Variants in MEMO1 observed in about 807,000 individuals in gnomAD.
MEMO1 encodes protein MEMO1.
In MEMO1, 6 loss-of-function variants were observed where a neutral mutation model predicts 45.2. The ratio of observed to expected loss-of-function variants is 0.13; its 90% CI spans 0.07 to 0.26. The LOEUF (loss-of-function observed/expected upper bound fraction) is 0.26. Among genes scored for constraint, MEMO1 ranks in the 10% least tolerant of loss-of-function variants. The probability of loss-of-function intolerance (pLI) is 1.00; values close to 1 mark genes in which losing one functional copy is unlikely to be tolerated. For synonymous variants in MEMO1, 78 were observed against 124.3 expected, an observed-to-expected ratio of 0.63 and a Z score of 2.48; for missense variants, 184 against 370.5, an observed-to-expected ratio of 0.50 and a Z score of 4.13.
chr2:31,971,512 G>T (rs764072617), intron 2 of MEMO1, among the ~76,000 whole-genome samples: 2 of 152,092 alleles, frequency 1.3e-5, no homozygotes, highest in Admixed American at 6.6e-5. Flanking sequence ...TTATAGGCAT[G>T]AGTCCCCGTG....
intron 2 of MEMO1, among the ~76,000 whole-genome samples, chr2:31,950,111 T>G (rs995271590): frequency 1.3e-5 from 2 of 152,196 alleles, no homozygotes; most frequent in Non-Finnish European, 2.9e-5. Context: ...CCGGGCGCAG[T>G]GGCTCACGCC....
intron 6 of MEMO1, among the ~76,000 whole-genome samples, chr2:31,912,998 G>A (rs1186682757): frequency 2.6e-5 from 4 of 151,996 alleles, no homozygotes; most frequent in African/African-American, 9.7e-5. Flanking sequence ...AAAACATGCA[G>A]CCAGGCATGG....
Position 31,952,706 on chromosome 2 carries a change from T to C in MEMO1, c.62-9323A>G, listed in dbSNP as rs188030032. Among the ~76,000 whole-genome samples the C allele has an allele frequency of 9.7e-3, 1,478 of 152,338 alleles. 25 individuals are homozygous for C. The highest frequency in any genetic ancestry group is 0.048 in the South Asian group (234 of 4,832). On this transcript the variant is annotated intron_variant, in intron 2 of 9. Transcript: ENST00000404530. ...TTTTTAAGATCAAAATATTTATTTT[T>C]GCTTGCTATTTTTTCATTAGAAAAA...
chr2:31,918,216 G>C (rs1010713358), intron 5 of MEMO1, among the ~76,000 whole-genome samples, 179 bp from the exon 6 acceptor site: 3 of 152,056 alleles, frequency 2.0e-5, no homozygotes, highest in Non-Finnish European at 2.9e-5. Flanking sequence ...GAAGGAGGGA[G>C]AGTAAGGAGA....
At chr2:31,979,205 G>C (rs1480184434) in intron 2 of MEMO1, among the ~76,000 whole-genome samples, 1 of 152,122 alleles carries the variant, frequency 6.6e-6, no homozygotes, top group Non-Finnish European at 1.5e-5. Context: ...ACTACGATGA[G>C]AACAGCAGAG....
At chr2:31,889,674 C>T (rs1404746537) in intron 7 of MEMO1, among the ~76,000 whole-genome samples, 1 of 152,148 alleles carries the variant, frequency 6.6e-6, no homozygotes, top group Non-Finnish European at 1.5e-5. Flanking sequence ...AAAAGACTAT[C>T]AATTTTGGAA....
chr2:31,884,043 CA>C (rs1441294889), intron 7 of MEMO1, among the ~76,000 whole-genome samples: 3 of 151,670 alleles, frequency 2.0e-5, no homozygotes, highest in Non-Finnish European at 4.4e-5. Flanking sequence ...ACAGAATACA[CA>C]AAAGGGTAAA....
chr2:31,964,560 G>A (rs1175376564), intron 2 of MEMO1, among the ~76,000 whole-genome samples: 2 of 152,010 alleles, frequency 1.3e-5, no homozygotes, highest in Non-Finnish European at 2.9e-5. Flanking sequence ...AATTAGCCAG[G>A]TGTGGTGGCG....
At chr2:31,899,882 C>A (rs537999486) in intron 6 of MEMO1, among the ~76,000 whole-genome samples, 6 of 152,172 alleles carry the variant, frequency 3.9e-5, no homozygotes, top group Admixed American at 3.9e-4. Context: ...TATGAACAGA[C>A]GCTTCTCAAA....
At chr2:31,930,655 T>C (rs1664039240) in intron 4 of MEMO1, among the ~76,000 whole-genome samples, 2 of 151,694 alleles carry the variant, frequency 1.3e-5, no homozygotes, top group South Asian at 2.1e-4. Flanking sequence ...AATATATATA[T>C]ATTTTTTTTG....
chr2:31,948,011 T>C (rs563513912), intron 2 of MEMO1, among the ~76,000 whole-genome samples: 2 of 152,366 alleles, frequency 1.3e-5, no homozygotes, highest in East Asian at 3.9e-4. Flanking sequence ...GAGAATCTTG[T>C]TGAAATGCTG....
At chr2:31,935,530 C>T (rs764781805) in intron 3 of MEMO1, among the ~76,000 whole-genome samples, 1 of 151,840 alleles carries the variant, frequency 6.6e-6, no homozygotes, top group African/African-American at 2.4e-5. Context: ...GTCTTAACTT[C>T]GAGGCTACAC....
At chr2:31,945,122 G>T (rs187541164) in intron 2 of MEMO1, among the ~76,000 whole-genome samples, 17 of 152,152 alleles carry the variant, frequency 1.1e-4, no homozygotes, top group East Asian at 5.8e-4. Flanking sequence ...TTCAAATGTT[G>T]TATCAATATA....
At chr2:31,882,687 A>G (rs2147940040) in intron 8 of MEMO1, among the ~76,000 whole-genome samples, 1 of 152,328 alleles carries the variant, frequency 6.6e-6, no homozygotes, top group South Asian at 2.1e-4. Flanking sequence ...GATTCAAGTT[A>G]GCTACATTTT....
At position 31,961,572 on chromosome 2, in the gene MEMO1, G is replaced by GT. The variant is rs1384259362; in HGVS notation, c.62-18190_62-18189insA. ...GAGCTCCGGATTTCAAGACCAGCCT[G>GT]GGCAACACAGTGAGACTCTGTCTCT... On this transcript the variant is annotated intron_variant, in intron 2 of 9. Transcript: ENST00000404530. 2.0e-5 allele frequency among the ~76,000 whole-genome samples: 3 copies of GT among 151,896 alleles called. No individual in the cohort carries two copies. The East Asian group carries it at 5.8e-4, about 29-fold the overall frequency.
chr2:31,984,153 G>A (rs949751051), intron 2 of MEMO1, among the ~76,000 whole-genome samples: 3 of 152,130 alleles, frequency 2.0e-5, no homozygotes, highest in African/African-American at 7.2e-5. Flanking sequence ...ACAGAATACG[G>A]CAAAAGGAAG....
intron 2 of MEMO1, among the ~76,000 whole-genome samples, chr2:31,957,591 A>G (rs1164559175): frequency 5.3e-5 from 8 of 152,224 alleles, no homozygotes; most frequent in African/African-American, 1.7e-4. Flanking sequence ...TACTTTCCTA[A>G]GTATGATATC....
chr2:31,914,056 G>A (rs1681047562), intron 6 of MEMO1, among the ~76,000 whole-genome samples: 1 of 152,174 alleles, frequency 6.6e-6, no homozygotes, highest in Non-Finnish European at 1.5e-5. Flanking sequence ...GTCCTGAAGG[G>A]TGAGTGTCAA....
intron 4 of MEMO1, among the ~76,000 whole-genome samples, chr2:31,922,818 C>T (rs1682513197): frequency 6.6e-6 from 1 of 151,954 alleles, no homozygotes; most frequent in African/African-American, 2.4e-5. Context: ...TTTTAAAGAG[C>T]TGTGTAATAT....
Sources: gnomAD v4.1 joint callset for allele counts (sites outside exome capture counted in the v4.1 genomes callset) on GRCh38, gnomAD v4.1.1 for gene constraint, MANE v1.5 for transcripts, NCBI Gene and HGNC (gene_info 2026-07-23, HGNC 2026-07-21) for gene names.